TBXAS1: variants seen among roughly 807,000 people sequenced by gnomAD.
The protein encoded by TBXAS1 is thromboxane A synthase 1, also known as thromboxane-A synthase.
Under a neutral mutation model 60.7 loss-of-function variants are expected in TBXAS1, and 48 were observed. The observed-to-expected ratio is 0.79, with a 90% CI of 0.63 to 1.01. TBXAS1 has a LOEUF of 1.01. Ranked by LOEUF, TBXAS1 falls within the 50% of genes least tolerant of loss-of-function variation. The pLI is 0.00. For missense variants in TBXAS1, 685 were observed against 686.3 expected (o/e 1.00, Z 0.02); for synonymous variants, 287 against 269.7 (o/e 1.06, Z -0.63).
intron 3 of TBXAS1, among the ~76,000 whole-genome samples, chr7:139,890,779 G>T (rs1395030502): frequency 6.6e-6 from 1 of 152,130 alleles, no homozygotes; most frequent in African/African-American, 2.4e-5. Flanking sequence ...CAGTGCTATG[G>T]AGAGGCTGGG....
At chr7:139,849,057 A>G (rs1569500358) in intron 1 of TBXAS1, among the ~76,000 whole-genome samples, 1 of 152,154 alleles carries the variant, frequency 6.6e-6, no homozygotes, top group Non-Finnish European at 1.5e-5. Context: ...AAGTGAAAAC[A>G]GTGACTCTCT....
At chr7:139,859,558 G>A (rs55707236) in intron 1 of TBXAS1, among the ~76,000 whole-genome samples, 17 of 151,978 alleles carry the variant, frequency 1.1e-4, no homozygotes, top group Admixed American at 3.3e-4. Context: ...TTATGATCAC[G>A]ACATAAAATT....
chr7:139,910,592 G>C (rs530781735), intron 3 of TBXAS1, among the ~76,000 whole-genome samples: 41 of 152,180 alleles, frequency 2.7e-4, no homozygotes, highest in Admixed American at 4.6e-4. Flanking sequence ...AGCTGAGATA[G>C]CACCACTGCA....
At chr7:139,943,819 A>C (rs1808477766) in intron 5 of TBXAS1, among the ~76,000 whole-genome samples, 1 of 152,130 alleles carries the variant, frequency 6.6e-6, no homozygotes, top group Non-Finnish European at 1.5e-5. Flanking sequence ...GTGGAAATTA[A>C]TTTTTCATTT....
rs953515547 is a variant in TBXAS1, at chr7:139,778,616, T to G, written c.-318+145T>G. The G allele has an allele frequency of 6.6e-6, 1 of 152,168 alleles. No individual in the cohort carries two copies. Among genetic ancestry groups the G allele is most frequent in the Middle Eastern group, 3.1e-3 (1 of 320 alleles). The allele number at this position is 152,168 out of a possible 1,614,324, so 9.4% of individuals were successfully genotyped here. A position where few individuals can be genotyped will look rare whatever the true frequency, so the allele number is the denominator to read the frequency against. On this transcript the variant is annotated intron_variant, in intron 1 of 16. Coordinates refer to the TBXAS1 transcript ENST00000336425. This position sits in a 1 kb window ranked among gnomAD's most constrained non-coding sequence, Gnocchi z 4.8. ...CGCCGCGGAAATGCAGCCCCCGGGG[T>G]GGTCGCTGGGTTCCTGCCGGAGTCT...
intron 4 of TBXAS1, among the ~76,000 whole-genome samples, chr7:139,813,088 TA>T (rs1396091537): frequency 3.9e-5 from 2 of 51,306 alleles, no homozygotes; most frequent in African/African-American, 8.3e-5. Flanking sequence ...TAAAATAAAA[TA>T]AAATAAAATA....
chr7:139,935,694 C>G (rs956423754), intron 4 of TBXAS1, among the ~76,000 whole-genome samples: 19 of 151,784 alleles, frequency 1.3e-4, no homozygotes, highest in African/African-American at 4.4e-4. Context: ...AAGGCCTTTC[C>G]TTTTTCCCCC....
chr7:139,924,051 G>C (rs890703742), intron 4 of TBXAS1, among the ~76,000 whole-genome samples: 1 of 152,104 alleles, frequency 6.6e-6, no homozygotes, highest in African/African-American at 2.4e-5. Flanking sequence ...TCTGTTAATG[G>C]ACACTTAGGT....
intron 8 of TBXAS1, among the ~76,000 whole-genome samples, chr7:139,959,152 T>C (rs905436969): frequency 2.6e-5 from 4 of 152,196 alleles, no homozygotes; most frequent in African/African-American, 9.6e-5. Flanking sequence ...TGCCTAGAGC[T>C]TTTCCTTTTA....
intron 3 of TBXAS1, among the ~76,000 whole-genome samples, chr7:139,899,012 C>G (rs1483483582): frequency 6.9e-6 from 1 of 145,892 alleles, no homozygotes; most frequent in Non-Finnish European, 1.5e-5. Flanking sequence ...TCTCCCTCTC[C>G]TTTTTTTTTT....
At chr7:139,868,465 T>G (rs897704374) in intron 1 of TBXAS1, among the ~76,000 whole-genome samples, 5 of 150,988 alleles carry the variant, frequency 3.3e-5, no homozygotes, top group African/African-American at 9.8e-5. Flanking sequence ...ACTCCAGAAT[T>G]TATTTATTTA....
intron 3 of TBXAS1, among the ~76,000 whole-genome samples, chr7:139,899,350 A>G (rs1302451570): frequency 6.6e-6 from 1 of 152,170 alleles, no homozygotes; most frequent in Admixed American, 6.5e-5. Flanking sequence ...GTCACCCCTA[A>G]CAGGGGCAGG....
At chr7:140,014,954 A>G (rs892416240) in intron 10 of TBXAS1, among the ~76,000 whole-genome samples, 21 of 151,814 alleles carry the variant, frequency 1.4e-4, no homozygotes, top group Admixed American at 1.1e-3. Flanking sequence ...GAGAAGAAGA[A>G]GAGGAGGAGG....
chr7:139,941,930 A>T (rs952970161), intron 5 of TBXAS1, among the ~76,000 whole-genome samples: 1 of 152,250 alleles, frequency 6.6e-6, no homozygotes, highest in Non-Finnish European at 1.5e-5. Context: ...ATTTATTTTT[A>T]AATTTTATAA....
chr7:139,905,023 CTT>C (rs1168357612), intron 3 of TBXAS1, among the ~76,000 whole-genome samples: 2 of 78,658 alleles, frequency 2.5e-5, no homozygotes, highest in African/African-American at 1.4e-4. Flanking sequence ...TTCTTTCTTT[CTT>C]TCTTTCTTTC....
chr7:139,952,732 A>G (rs939488889), intron 5 of TBXAS1: 9 of 1,480,744 alleles, frequency 6.1e-6, no homozygotes, highest in Admixed American at 2.4e-5. Context: ...TCCTATTAAA[A>G]AAAAGAAACC....
intron 4 of TBXAS1, among the ~76,000 whole-genome samples, chr7:139,787,669 G>T (rs1441019613): frequency 1.3e-5 from 2 of 152,080 alleles, no homozygotes; most frequent in African/African-American, 4.8e-5. Context: ...GGTCCAAAGG[G>T]CATTAGGCGT....
At chr7:139,781,858 A>T (rs1433260377) in intron 2 of TBXAS1, among the ~76,000 whole-genome samples, 2 of 151,416 alleles carry the variant, frequency 1.3e-5, no homozygotes, top group African/African-American at 4.9e-5. Flanking sequence ...AAAAAAAAAA[A>T]AAGGCAGAAA....
chr7:139,965,538 C>T (rs1253170391), intron 9 of TBXAS1, among the ~76,000 whole-genome samples: 4 of 152,114 alleles, frequency 2.6e-5, no homozygotes, highest in African/African-American at 4.8e-5. Context: ...AAGGAACCCA[C>T]GTTTTAAATA....
Sources: allele counts gnomAD v4.1 joint callset (sites outside exome capture counted in the v4.1 genomes callset), GRCh38; gene constraint gnomAD v4.1.1; non-coding constraint Gnocchi (gnomAD v3.1); transcripts MANE v1.5; gene names NCBI Gene and HGNC (gene_info 2026-07-23, HGNC 2026-07-21).